The following PIK3C2G variants were observed in gnomAD, a reference collection of about 807,000 sequenced individuals.
PIK3C2G encodes phosphatidylinositol 3-kinase C2 domain-containing subunit gamma.
Under a neutral mutation model 181.1 loss-of-function variants are expected in PIK3C2G, and 168 were observed. That is an observed-to-expected ratio of 0.93 (90% CI 0.82 to 1.05). PIK3C2G has a LOEUF of 1.05. Ranked by LOEUF, PIK3C2G falls within the 50% of genes least tolerant of loss-of-function variation. PIK3C2G has a pLI of 0.00. For synonymous variants in PIK3C2G, 573 were observed against 592.2 expected (o/e 0.97, Z 0.47); for missense variants, 1,869 against 1,732.8 (o/e 1.08, Z -1.40).
chr12:18,717,187 T>C, the PIK3C2G span, among the ~76,000 whole-genome samples: 2 of 152,084 alleles, frequency 1.3e-5, no homozygotes, highest in Non-Finnish European at 2.9e-5. Context: ...GTAAAAGTAA[T>C]TATATATATT....
the PIK3C2G span, among the ~76,000 whole-genome samples, chr12:18,703,859 T>C: frequency 6.6e-6 from 1 of 152,130 alleles, no homozygotes; most frequent in East Asian, 1.9e-4. Flanking sequence ...TTATTTTAAG[T>C]TGGCAAAAAA....
At chr12:18,537,172 C>T (rs1943906005) in intron 24 of PIK3C2G, among the ~76,000 whole-genome samples, 1 of 151,942 alleles carries the variant, frequency 6.6e-6, no homozygotes, top group Admixed American at 6.6e-5. Context: ...TTTTTCACTC[C>T]ATTGTATTTT....
At chr12:18,648,980 C>T (rs551829945), downstream of PIK3C2G, among the ~76,000 whole-genome samples, 2 of 152,224 alleles carry the variant, frequency 1.3e-5, no homozygotes, top group Admixed American at 6.5e-5. Flanking sequence ...ATCACCTCCT[C>T]TATATCATAT....
At chr12:18,630,563 A>T (rs1949306867) in intron 31 of PIK3C2G, among the ~76,000 whole-genome samples, 1 of 150,428 alleles carries the variant, frequency 6.6e-6, no homozygotes, top group Non-Finnish European at 1.5e-5. Flanking sequence ...CAATGGAGCA[A>T]AGCCCCAAGG....
chr12:18,619,371 G>A (rs978146622), intron 31 of PIK3C2G, among the ~76,000 whole-genome samples: 2 of 151,910 alleles, frequency 1.3e-5, no homozygotes, highest in Non-Finnish European at 2.9e-5. Context: ...AAAACACAAA[G>A]AATTTGCCCC....
intron 32 of PIK3C2G, among the ~76,000 whole-genome samples, chr12:18,646,828 G>A (rs1475313395): frequency 6.6e-6 from 1 of 151,568 alleles, no homozygotes; most frequent in Non-Finnish European, 1.5e-5. Flanking sequence ...ATGCCTTTAC[G>A]TTGCTTTACC....
intron 6 of PIK3C2G, among the ~76,000 whole-genome samples, chr12:18,316,429 G>C (rs11044024): frequency 0.12 from 18,855 of 152,144 alleles, 1,406 homozygotes; most frequent in East Asian, 0.22. Context: ...GTTCTCATCA[G>C]AAATGCCAGT....
At chr12:18,335,078 T>G (rs1938398430) in intron 8 of PIK3C2G, among the ~76,000 whole-genome samples, 1 of 152,272 alleles carries the variant, frequency 6.6e-6, no homozygotes, top group Admixed American at 6.5e-5. Flanking sequence ...ATCATTTTTC[T>G]TACTCAAGGG....
intron 31 of PIK3C2G, among the ~76,000 whole-genome samples, chr12:18,626,873 T>A (rs1238574615): frequency 6.6e-6 from 1 of 152,074 alleles, no homozygotes; most frequent in African/African-American, 2.4e-5. Flanking sequence ...AATTCTGAAT[T>A]TGATTGGAGA....
intron 30 of PIK3C2G, among the ~76,000 whole-genome samples, chr12:18,606,313 T>C (rs1948018316): frequency 6.6e-6 from 1 of 152,138 alleles, no homozygotes; most frequent in African/African-American, 2.4e-5. Context: ...ACTTAACAAT[T>C]CTTCCACTCT....
intron 15 of PIK3C2G, among the ~76,000 whole-genome samples, chr12:18,393,376 G>T (rs181875060): frequency 2.3e-3 from 354 of 152,148 alleles, no homozygotes; most frequent in Non-Finnish European, 3.7e-3. Context: ...GTTAGAATCA[G>T]ATTAACCTCA....
chr12:18,723,161 A>G, the PIK3C2G span: 1 of 667,492 alleles, frequency 1.5e-6, no homozygotes, highest in South Asian at 1.9e-5. Context: ...ATTCTATAAA[A>G]TATATTTTCT....
In PIK3C2G at chr12:18,385,542, C is replaced by A. The variant is rs950244521; in HGVS notation, c.1995+3662C>A. Among the ~76,000 whole-genome samples the A allele has an allele frequency of 3.3e-5, 5 of 152,100 alleles. No individual in the cohort carries two copies. The East Asian group carries it at 9.7e-4, about 29-fold the overall frequency. ...GCAGAGCTGTTTCATAGAATTCATG[C>A]GGTTCTTGTTCTAGTCTATGTTTCT... On this transcript the variant is annotated intron_variant, in intron 14 of 32. Transcript: ENST00000538779.
chr12:18,291,790 A>T (rs1311846911), intron 4 of PIK3C2G, among the ~76,000 whole-genome samples: 1 of 151,826 alleles, frequency 6.6e-6, no homozygotes, highest in Non-Finnish European at 1.5e-5. Flanking sequence ...CAAGGTTCTC[A>T]GCTAATGCAG....
chr12:18,590,365 C>T (rs1476362842), intron 29 of PIK3C2G, among the ~76,000 whole-genome samples: 2 of 151,822 alleles, frequency 1.3e-5, no homozygotes, highest in Admixed American at 1.3e-4. Context: ...TTTGAATTTT[C>T]CATAAACCAT....
At position 18,343,343 on chromosome 12, in the gene PIK3C2G, C is replaced by A; in HGVS notation, c.1412C>A (p.Ser471Ter). Residue 471 changes from serine to a stop codon, truncating the protein, a stop_gained, in exon 10 of 33, where the codon TCA (serine) becomes TAA (stop). Coordinates refer to ENST00000538779, the MANE Select transcript of PIK3C2G (RefSeq NM_001288772.2). LOFTEE classifies it high-confidence loss of function. ...QRKGENFYQS[S>*]ETSAKGLIEK... ...TTTTTTCAGAATTTTTATCAAAGTT[C>A]AGAGACTTCAGCAAAAGGTAAAACA... is the stretch of plus-strand genomic sequence containing the variant. 1 of 1,365,174 alleles carries A rather than the reference C, an allele frequency of 7.3e-7. No individual in the cohort carries two copies. Among genetic ancestry groups the A allele is most frequent in the Non-Finnish European group, 1.0e-6 (1 of 987,800 alleles). 84.6% of individuals were successfully genotyped at this position (1,365,174 alleles called of 1,614,324 possible). A position where few individuals can be genotyped will look rare whatever the true frequency, so the allele number is the denominator to read the frequency against.
At chr12:18,538,049 GAA>G in intron 24 of PIK3C2G, 105 bp from the exon 25 acceptor site, 8 of 934,944 alleles carry the variant, frequency 8.6e-6, no homozygotes, top group East Asian at 8.5e-5. Flanking sequence ...TTACAGTAGA[GAA>G]AAAAAAAAGA....
intron 8 of PIK3C2G, among the ~76,000 whole-genome samples, chr12:18,336,004 T>G (rs1404696148): frequency 1.3e-5 from 2 of 151,692 alleles, no homozygotes; most frequent in Non-Finnish European, 2.9e-5. Context: ...TTAGAACAGA[T>G]GAATGAAAAA....
intron 12 of PIK3C2G, among the ~76,000 whole-genome samples, chr12:18,368,274 T>C (rs1941783753): frequency 6.6e-6 from 1 of 152,222 alleles, no homozygotes; most frequent in Admixed American, 6.5e-5. Context: ...AATAATTGAA[T>C]AAATGAATAT....
Sources: gnomAD v4.1 joint callset for allele counts (sites outside exome capture counted in the v4.1 genomes callset) on GRCh38, gnomAD v4.1.1 for gene constraint, MANE v1.5 for transcripts, NCBI Gene and HGNC (gene_info 2026-07-23, HGNC 2026-07-21) for gene names.